The following FOCAD variants were observed in gnomAD, a reference collection of about 807,000 sequenced individuals.
FOCAD encodes focadhesin.
Under a neutral mutation model 225.6 loss-of-function variants are expected in FOCAD, and 198 were observed. That is an observed-to-expected ratio of 0.88 (90% confidence interval 0.78 to 0.99). The LOEUF (loss-of-function observed/expected upper bound fraction) is 0.99. Among genes scored for constraint, FOCAD ranks in the 50% least tolerant of loss-of-function variants. FOCAD has a pLI of 0.00. For synonymous variants in FOCAD, 897 were observed against 755.0 expected (o/e 1.19, Z -3.08); for missense variants, 2,713 against 2,123.6 (o/e 1.28, Z -5.46).
At chr9:20,935,907 A>G (rs923144247) in intron 28 of FOCAD, among the ~76,000 whole-genome samples, 2 of 152,198 alleles carry the variant, frequency 1.3e-5, no homozygotes, top group African/African-American at 2.4e-5. Context: ...AGTTTTGTCT[A>G]TTAAACTAAA....
At position 20,760,617 on chromosome 9, in the gene FOCAD, C is replaced by G. The variant is rs563447355; in HGVS notation, c.494+2426C>G. On this transcript the variant is annotated intron_variant, in intron 6 of 43. Coordinates refer to ENST00000338382, the MANE Select transcript of FOCAD (RefSeq NM_001375567.1). ...TCTTTATTTGAAATCTCTGTTTAGGCATTTTTTTTGCCCTAGGGTCTTTTC... is the reference window on the plus strand; with the variant it reads ...TCTTTATTTGAAATCTCTGTTTAGGGATTTTTTTTGCCCTAGGGTCTTTTC... Among the ~76,000 whole-genome samples, 224 of 152,168 alleles carry G rather than the reference C, an allele frequency of 1.5e-3. 2 individuals carry two copies. Among genetic ancestry groups the G allele is most frequent in the Non-Finnish European group, 2.7e-3 (181 of 67,996 alleles).
chr9:20,894,690 G>A (rs1831920608), intron 21 of FOCAD, among the ~76,000 whole-genome samples: 1 of 152,016 alleles, frequency 6.6e-6, no homozygotes, highest in African/African-American at 2.4e-5. Context: ...GTTTTTCATA[G>A]TTGAGTTTTA....
chr9:20,787,073 C>G, intron 10 of FOCAD: 3 of 349,366 alleles, frequency 8.6e-6, no homozygotes, highest in Non-Finnish European at 1.7e-5. Context: ...CTGCTCTAAC[C>G]TTAGGCAAAC....
intron 15 of FOCAD, among the ~76,000 whole-genome samples, chr9:20,842,072 C>T (rs2131571643): frequency 6.6e-6 from 1 of 150,972 alleles, no homozygotes; most frequent in East Asian, 1.9e-4. Context: ...CAAAGTTATT[C>T]TTGTTATTGA....
intron 4 of FOCAD, among the ~76,000 whole-genome samples, chr9:20,730,788 G>A (rs1170885879): frequency 1.3e-5 from 2 of 151,964 alleles, no homozygotes; most frequent in African/African-American, 4.8e-5. Flanking sequence ...CTATGTCATG[G>A]GCAATCCTCA....
chr9:20,834,950 A>C (rs1177623328), intron 15 of FOCAD, among the ~76,000 whole-genome samples: 2 of 152,086 alleles, frequency 1.3e-5, no homozygotes, highest in Non-Finnish European at 2.9e-5. Context: ...TTTTGGATGT[A>C]TTGTGTCAAA....
chr9:20,660,313 C>T (rs1821675757), intron 2 of FOCAD, among the ~76,000 whole-genome samples: 1 of 152,094 alleles, frequency 6.6e-6, no homozygotes, highest in Non-Finnish European at 1.5e-5. Flanking sequence ...GTAGAAACTA[C>T]TGTTATTCCC....
chr9:20,950,864 C>T (rs1763890639), intron 33 of FOCAD, 132 bp from the exon 34 acceptor site: 2 of 700,980 alleles, frequency 2.9e-6, no homozygotes, highest in East Asian at 5.0e-5. Flanking sequence ...GATATTACAT[C>T]TTGTCATAGG....
At chr9:20,759,322 C>G (rs1395778785) in intron 6 of FOCAD, among the ~76,000 whole-genome samples, 3 of 152,124 alleles carry the variant, frequency 2.0e-5, no homozygotes, top group Non-Finnish European at 2.9e-5. Flanking sequence ...TACTACAAGG[C>G]TACAGTCACC....
intron 2 of FOCAD, among the ~76,000 whole-genome samples, chr9:20,716,461 G>T: frequency 6.6e-6 from 1 of 152,036 alleles, no homozygotes; most frequent in East Asian, 1.9e-4. Context: ...ATCAGTTTAG[G>T]CTAGTATCTC....
At chr9:20,859,792 A>G (rs911489311) in intron 15 of FOCAD, among the ~76,000 whole-genome samples, 7 of 150,582 alleles carry the variant, frequency 4.6e-5, no homozygotes, top group African/African-American at 1.2e-4. Context: ...ACGATAACTG[A>G]TAGAAGCTAG....
intron 11 of FOCAD, among the ~76,000 whole-genome samples, chr9:20,799,940 C>T (rs1212836682): frequency 2.0e-5 from 3 of 152,050 alleles, no homozygotes; most frequent in Non-Finnish European, 4.4e-5. Context: ...TTCTTCCTAG[C>T]CTCAATGATC....
chr9:20,986,266 A>ATTTGTTTTTTTTT, intron 39 of FOCAD, 22 bp from the exon 40 acceptor site: 1 of 705,686 alleles, frequency 1.4e-6, no homozygotes, highest in Non-Finnish European at 1.8e-6. Flanking sequence ...TAACTAAACA[A>ATTTGTTTTTTTTT]TTTTTTTTTT....
chr9:20,870,417 G>A (rs1469097570), intron 18 of FOCAD, among the ~76,000 whole-genome samples: 3 of 152,114 alleles, frequency 2.0e-5, no homozygotes, highest in Admixed American at 6.5e-5. Context: ...AAGGTTATCC[G>A]GCTCAGAACC....
rs1827515243 is a variant in FOCAD, at chr9:20,740,406, A to G, written c.392+66A>G. The G allele has an allele frequency of 3.4e-6, 3 of 892,792 alleles. No homozygotes were observed. The South Asian group carries it at 4.8e-5, about 14-fold the overall frequency. 55.3% of individuals were successfully genotyped at this position (892,792 alleles called of 1,614,324 possible). ...TTTTAATGAAATTATTAACTGTGAC[A>G]TGATAATCCAGTAAGAATTAGTTAT... On this transcript the variant is annotated intron_variant, in intron 5 of 43. Coordinates refer to ENST00000338382, the MANE Select transcript of FOCAD (RefSeq NM_001375567.1).
At chr9:20,704,919 G>A (rs762020990) in intron 1 of FOCAD, among the ~76,000 whole-genome samples, 16 of 152,146 alleles carry the variant, frequency 1.1e-4, no homozygotes, top group Non-Finnish European at 2.4e-4. Flanking sequence ...CTGGGAATGA[G>A]CAAAAATAAA....
At chr9:20,701,674 A>G (rs544090616) in intron 1 of FOCAD, among the ~76,000 whole-genome samples, 1 of 152,362 alleles carries the variant, frequency 6.6e-6, no homozygotes, top group South Asian at 2.1e-4. Context: ...ACCAAAGAAC[A>G]TATACAGATG....
At chr9:20,814,016 C>G (rs1587272625) in intron 11 of FOCAD, among the ~76,000 whole-genome samples, 1 of 152,084 alleles carries the variant, frequency 6.6e-6, no homozygotes, top group Admixed American at 6.6e-5. Flanking sequence ...ATATGGACAA[C>G]CTTGCTGTCT....
chr9:20,966,903 C>G (rs958524474), intron 35 of FOCAD, among the ~76,000 whole-genome samples: 2 of 151,998 alleles, frequency 1.3e-5, no homozygotes, highest in Non-Finnish European at 2.9e-5. Context: ...TTTATATGTA[C>G]TAATACCACG....
Sources: allele counts gnomAD v4.1 joint callset (sites outside exome capture counted in the v4.1 genomes callset), GRCh38; gene constraint gnomAD v4.1.1; transcripts MANE v1.5; gene names NCBI Gene and HGNC (gene_info 2026-07-23, HGNC 2026-07-21).